TRAFD1: variants seen among roughly 807,000 people sequenced by gnomAD.
TRAFD1 encodes TRAF-type zinc finger domain-containing protein 1.
Under a neutral mutation model 65.3 loss-of-function variants are expected in TRAFD1, and 38 were observed. The observed-to-expected ratio is 0.58, with a 90% CI of 0.45 to 0.76. The LOEUF is 0.76. TRAFD1 is among the 30% of genes least tolerant of loss of function. The pLI is 0.00. For missense variants in TRAFD1, 631 were observed against 712.6 expected (o/e 0.89, Z 1.30); for synonymous variants, 223 against 257.2 (o/e 0.87, Z 1.27).
chr12:112,147,026 G>A (rs935376802), intron 7 of TRAFD1, among the ~76,000 whole-genome samples: 3 of 119,078 alleles, frequency 2.5e-5, no homozygotes, highest in Non-Finnish European at 3.3e-5. Context: ...TTGAGATGGA[G>A]TCTCACTCTG....
chr12:112,149,688 T>A, intron 8 of TRAFD1, 63 bp from the exon 9 acceptor site: 1 of 1,604,234 alleles, frequency 6.2e-7, no homozygotes, highest in Non-Finnish European at 8.5e-7. Flanking sequence ...GTTCCTCCCA[T>A]CGCATGCTCT....
Position 112,135,085 on chromosome 12 carries a change from T to G in TRAFD1, c.237+19T>G, listed in dbSNP as rs186976837. The stretch of plus-strand genomic sequence containing the variant: ...GCATGAGGTTAGTCCATGGAGTGAG[T>G]TACCGTGGGCCCAGTCCTGCTGAGA... On this transcript the variant is annotated intron_variant, in intron 4 of 11. Coordinates refer to ENST00000412615, the MANE Select transcript of TRAFD1 (RefSeq NM_006700.3). 1 of 1,614,102 alleles carries G rather than the reference T, an allele frequency of 6.2e-7. No individual in the cohort carries two copies. The highest frequency in any genetic ancestry group is 2.2e-5 in the East Asian group (1 of 44,892).
intron 5 of TRAFD1, chr12:112,141,524 A>G (rs1278066185): frequency 4.5e-5 from 14 of 313,276 alleles, no homozygotes; most frequent in Non-Finnish European, 5.9e-5. Flanking sequence ...TTTGCATTAT[A>G]TATACTGGAT....
intron 1 of TRAFD1, among the ~76,000 whole-genome samples, chr12:112,128,407 C>G (rs1163260907): frequency 6.6e-6 from 1 of 152,200 alleles, no homozygotes; most frequent in African/African-American, 2.4e-5. Context: ...AAGAACCCTA[C>G]TGGGGGCAGG....
chr12:112,126,455 G>A (rs901741634), intron 1 of TRAFD1, among the ~76,000 whole-genome samples: 1 of 152,128 alleles, frequency 6.6e-6, no homozygotes, highest in African/African-American at 2.4e-5. Context: ...GGCCCAGAGA[G>A]GTTAAATCTG....
intron 5 of TRAFD1, chr12:112,141,595 G>A: frequency 4.5e-6 from 1 of 224,194 alleles, no homozygotes; most frequent in East Asian, 1.1e-4. Flanking sequence ...TTCTTTGAGA[G>A]CCATATTGAT....
chr12:112,140,889 AG>A lies in TRAFD1; in HGVS notation c.310del (p.Glu104AsnfsTer22). 1 of 1,614,194 alleles carries A rather than the reference AG, an allele frequency of 6.2e-7. No homozygotes were observed. The highest frequency in any genetic ancestry group is 8.5e-7 in the Non-Finnish European group (1 of 1,180,034). On this transcript the variant is annotated frameshift_variant, in exon 5 of 12. Transcript: ENST00000412615. LOFTEE classifies it high-confidence loss of function. ...TTAGAACTTTCCATTCTCAAACTGA[AG>A]GAACATGAAGATTATTGTGGTGCCC... ...CDLELSILKL[K>X]EHEDYCGART... is the part of the protein sequence containing the mutation.
chr12:112,148,016 T>C, intron 7 of TRAFD1, 58 bp from the exon 8 acceptor site: 1 of 1,412,830 alleles, frequency 7.1e-7, no homozygotes, highest in Non-Finnish European at 9.7e-7. Context: ...ATTTTAGGAA[T>C]GTAGTTTTTT....
At chr12:112,149,985 A>G (rs1327451602) in intron 9 of TRAFD1, 114 bp downstream of exon 9, 2 of 1,452,576 alleles carry the variant, frequency 1.4e-6, no homozygotes, top group Non-Finnish European at 1.9e-6. Flanking sequence ...CAAATTTCCA[A>G]ACACACTAGG....
chr12:112,151,758 G>A (rs375782890), intron 9 of TRAFD1, 43 bp from the exon 10 acceptor site: 3 of 1,572,106 alleles, frequency 1.9e-6, no homozygotes, highest in African/African-American at 1.4e-5. Context: ...ACTATAGCCA[G>A]AGCAGGCTTT....
At chr12:112,149,596 C>T (rs1329339112) in intron 8 of TRAFD1, 155 bp from the exon 9 acceptor site, 2 of 924,952 alleles carry the variant, frequency 2.2e-6, no homozygotes, top group Non-Finnish European at 3.2e-6. Context: ...TGAATGCAAC[C>T]ATTCCAGATG....
chr12:112,127,354 T>C (rs1428229641), intron 1 of TRAFD1, among the ~76,000 whole-genome samples: 1 of 152,250 alleles, frequency 6.6e-6, no homozygotes, highest in Non-Finnish European at 1.5e-5. Context: ...AAGTTATATG[T>C]ATTTTTTTGC....
chr12:112,153,031 G>A lies in TRAFD1; in HGVS notation c.*240G>A. On this transcript the variant is annotated 3_prime_UTR_variant, in exon 12 of 12. Coordinates refer to ENST00000412615, the MANE Select transcript of TRAFD1 (RefSeq NM_006700.3). ...TTAGCTGCTACCTTTCGGCAGCAGT[G>A]AAATACAAGCTGCAGCCTCGGCTGC... is the stretch of plus-strand genomic sequence containing the variant. 1 of 478,510 alleles carries A rather than the reference G, an allele frequency of 2.1e-6. No homozygotes were observed. Among genetic ancestry groups the A allele is most frequent in the East Asian group, 3.4e-5 (1 of 29,480 alleles). The allele number at this position is 478,510 out of a possible 1,614,324, so 29.6% of individuals were successfully genotyped here.
chr12:112,126,030 C>T (rs990367556), intron 1 of TRAFD1: 4 of 152,322 alleles, frequency 2.6e-5, no homozygotes, highest in African/African-American at 9.6e-5. Flanking sequence ...AGTCCGAGCT[C>T]GCACTCCGAC....
chr12:112,133,848 G>T (rs2079578660), intron 2 of TRAFD1, among the ~76,000 whole-genome samples: 1 of 150,998 alleles, frequency 6.6e-6, no homozygotes, highest in African/African-American at 2.4e-5. Flanking sequence ...GGGATTACAG[G>T]TACCCGCCAC....
At position 112,130,459 on chromosome 12, in the gene TRAFD1, C is replaced by CT; in HGVS notation, c.-12-49dup. Reference sequence around the variant, plus strand: ...TTTTATTTGTTTTTTTGCATGTCATCTTTAAAGCAGAAATGAAAGAGAAAG... The same window carrying CT: ...TTTTATTTGTTTTTTTGCATGTCATCTTTTAAAGCAGAAATGAAAGAGAAAG... On this transcript the variant is annotated intron_variant, in intron 1 of 11. Coordinates refer to ENST00000412615, the MANE Select transcript of TRAFD1 (RefSeq NM_006700.3). This position sits in a 1 kb window ranked among gnomAD's most constrained non-coding sequence, Gnocchi z 4.4. 6.7e-7 allele frequency: 1 copy of CT among 1,482,278 alleles called. No homozygotes were observed. Among genetic ancestry groups the CT allele is most frequent in the East Asian group, 2.3e-5 (1 of 43,998 alleles). 91.8% of individuals were successfully genotyped at this position (1,482,278 alleles called of 1,614,324 possible).
At chr12:112,147,990 ACTT>A (rs2030299604) in intron 7 of TRAFD1, 81 bp from the exon 8 acceptor site, 2 of 1,288,834 alleles carry the variant, frequency 1.6e-6, no homozygotes, top group East Asian at 2.5e-5. Context: ...AAATTATATG[ACTT>A]CTTCTAGAAA....
intron 1 of TRAFD1, among the ~76,000 whole-genome samples, chr12:112,129,464 A>G (rs1245377456): frequency 6.6e-6 from 1 of 151,858 alleles, no homozygotes. Flanking sequence ...AGCCTCCCAA[A>G]GTTCTGGGAG....
Position 112,134,745 on chromosome 12 carries a change from G to T in TRAFD1, c.55G>T (p.Glu19Ter). ...TTTGGTCTATTTCCGTAGCAAAAAAGAAATTCCTGTGTTTAACTTTACCAT... is the reference window on the plus strand; with the variant it reads ...TTTGGTCTATTTCCGTAGCAAAAAATAAATTCCTGTGTTTAACTTTACCAT... ...ETRLCDNCKK[E>*]IPVFNFTIHE... The change falls in exon 3 of 12, where the codon GAA (glutamate) becomes TAA (stop). Residue 19 changes from glutamate to a stop codon, truncating the protein, a stop_gained. Transcript: ENST00000412615. LOFTEE classifies it high-confidence loss of function. 1.2e-6 allele frequency: 2 copies of T among 1,611,246 alleles called. No individual in the cohort carries two copies. The highest frequency in any genetic ancestry group is 1.7e-6 in the Non-Finnish European group (2 of 1,177,566).
Sources: allele counts gnomAD v4.1 joint callset (sites outside exome capture counted in the v4.1 genomes callset), GRCh38; gene constraint gnomAD v4.1.1; non-coding constraint Gnocchi (gnomAD v3.1); transcripts MANE v1.5; gene names NCBI Gene and HGNC (gene_info 2026-07-23, HGNC 2026-07-21).